NEB: variants seen among roughly 807,000 people sequenced by gnomAD.
NEB encodes nemaline myopathy type 2.
Under a neutral mutation model 952.2 loss-of-function variants are expected in NEB, and 512 were observed. That is an observed-to-expected ratio of 0.54 (90% CI 0.50 to 0.58). The LOEUF (loss-of-function observed/expected upper bound fraction) is 0.58, where lower values mean the gene tolerates loss of function less well. NEB is among the 20% of genes least tolerant of loss of function. NEB has a pLI of 0.00. For synonymous variants in NEB, 2,900 were observed against 3,149.8 expected (o/e 0.92, Z 2.66); for missense variants, 8,428 against 9,231.1 (o/e 0.91, Z 3.56).
chr2:151,664,970 A>G (rs145298277), intron 42 of NEB, 107 bp from the exon 43 acceptor site: 14 of 793,784 alleles, frequency 1.8e-5, no homozygotes, highest in African/African-American at 1.6e-4. Context: ...TTAAATGGAT[A>G]TTAGAAAATG....
chr2:151,524,507 AC>A lies in NEB; in HGVS notation c.22374+7del. 1 of 1,613,486 alleles carries A rather than the reference AC, an allele frequency of 6.2e-7. No homozygotes were observed. The highest frequency in any genetic ancestry group is 1.3e-5 in the African/African-American group (1 of 74,936). ...TGGGGACTGGGGACATTTTCATGAC[AC>A]CCTTACCTCACTGGCCTGTTTGGCT... On this transcript the variant is annotated splice_region_variant and intron_variant, in intron 152 of 181. Coordinates refer to ENST00000397345, the MANE Select transcript of NEB (RefSeq NM_001164508.2).
intron 27 of NEB, among the ~76,000 whole-genome samples, chr2:151,686,846 T>C (rs575287494): frequency 2.8e-4 from 42 of 152,296 alleles, no homozygotes; most frequent in African/African-American, 1.0e-3. Flanking sequence ...GGCCCATAGA[T>C]GAGCCTTAAG....
chr2:151,495,719 C>G (rs2059732006), intron 173 of NEB, among the ~76,000 whole-genome samples: 1 of 137,422 alleles, frequency 7.3e-6, no homozygotes, highest in African/African-American at 2.7e-5. Flanking sequence ...AAAAGCCATT[C>G]TGGTGACACT....
At chr2:151,682,823 A>G in intron 28 of NEB, 54 bp from the exon 29 acceptor site, 1 of 1,450,756 alleles carries the variant, frequency 6.9e-7, no homozygotes. Context: ...CTCATTATGT[A>G]AAATCATCAA....
chr2:151,525,872 A>T, intron 150 of NEB, 86 bp downstream of exon 150: 2 of 1,019,520 alleles, frequency 2.0e-6, no homozygotes, highest in Admixed American at 1.7e-5. Flanking sequence ...TACATAAAGG[A>T]AGCAAAAGGC....
chr2:151,491,014 G>C (rs2056097844), intron 179 of NEB, among the ~76,000 whole-genome samples: 1 of 150,892 alleles, frequency 6.6e-6, no homozygotes, highest in Non-Finnish European at 1.5e-5. Context: ...TAAATCCTTT[G>C]AGGACTGTCT....
At chr2:151,561,361 C>T in intron 121 of NEB, 49 bp from the exon 122 acceptor site, 2 of 1,332,124 alleles carry the variant, frequency 1.5e-6, no homozygotes, top group Non-Finnish European at 2.1e-6. Flanking sequence ...ACAGGTCTGT[C>T]ATCAGCTGTA....
At chr2:151,489,617 A>C (rs2054420030) in intron 181 of NEB, among the ~76,000 whole-genome samples, 1 of 152,104 alleles carries the variant, frequency 6.6e-6, no homozygotes, top group South Asian at 2.1e-4. Flanking sequence ...GGCTGGTCTC[A>C]AACTCCTGAG....
chr2:151,621,714 C>G (rs1007191401), intron 71 of NEB, among the ~76,000 whole-genome samples: 1 of 152,164 alleles, frequency 6.6e-6, no homozygotes. Flanking sequence ...TTGAGAACCA[C>G]GCATTAAACA....
chr2:151,697,619 T>A lies in NEB; in HGVS notation c.1182A>T (p.Thr394=), dbSNP rs186233985. 1.9e-6 allele frequency: 3 copies of A among 1,610,906 alleles called. No homozygotes were observed. The highest frequency in any genetic ancestry group is 2.5e-6 in the Non-Finnish European group (3 of 1,179,292). Residue 394 remains threonine, a synonymous_variant, in exon 14 of 182, where the codon ACA becomes ACT. Transcript: ENST00000397345. ...CGCAGTAATTTATGCTCTTTGCTTT[T>A]GTCTTTTCATAGTTTTCCTTGTATA... ...DKLYKENYEK[T]KAKSINYCET...
chr2:151,686,075 C>A (rs565012000), intron 27 of NEB, among the ~76,000 whole-genome samples: 1 of 152,232 alleles, frequency 6.6e-6, no homozygotes, highest in South Asian at 2.1e-4. Flanking sequence ...ACATTGAAAA[C>A]AACAGTTTGT....
At chr2:151,492,635 T>C (rs2057485964) in intron 176 of NEB, 141 bp from the exon 177 acceptor site, 1 of 493,916 alleles carries the variant, frequency 2.0e-6, no homozygotes, top group African/African-American at 2.0e-5. Flanking sequence ...ATGACCAATT[T>C]TGGAACAGGC....
intron 10 of NEB, among the ~76,000 whole-genome samples, chr2:151,716,871 G>A (rs1217294334): frequency 1.3e-5 from 2 of 152,206 alleles, no homozygotes; most frequent in Non-Finnish European, 2.9e-5. Flanking sequence ...CTAAGCATCT[G>A]TCTCTCTGCA....
At chr2:151,707,054 T>G (rs1486485839) in intron 12 of NEB, 57 bp from the exon 13 acceptor site, 6 of 1,117,910 alleles carry the variant, frequency 5.4e-6, no homozygotes, top group Non-Finnish European at 7.8e-6. Flanking sequence ...TGCCCCCGTC[T>G]CTATTATGAA....
chr2:151,672,756 GAC>G, intron 36 of NEB, 76 bp from the exon 37 acceptor site: 1 of 1,305,462 alleles, frequency 7.7e-7, no homozygotes. Context: ...CACATATAAA[GAC>G]ACTCAGAGCT....
At chr2:151,713,489 C>T (rs2099750829) in intron 10 of NEB, among the ~76,000 whole-genome samples, 1 of 152,082 alleles carries the variant, frequency 6.6e-6, no homozygotes, top group Admixed American at 6.5e-5. Flanking sequence ...AGGGCCTGGG[C>T]CTGGTATCCT....
At chr2:151,524,190 C>G (rs879571847) in intron 153 of NEB, 121 bp downstream of exon 153, 1 of 794,436 alleles carries the variant, frequency 1.3e-6, no homozygotes, top group Non-Finnish European at 2.0e-6. Flanking sequence ...CTCTTGGAAG[C>G]TTTGCAGTAC....
At position 151,502,826 on chromosome 2, in the gene NEB, C is replaced by T. The variant is rs1229640938; in HGVS notation, c.23895G>A (p.Glu7965=). The part of the protein sequence containing the change: ...GIPTPITPEM[E]RVKRNQENFS... ...AGTTCTCTTGATTGCGTTTGACTCT[C>T]TCCATCTCTGGAGTGATAGGTGTTG... is the stretch of plus-strand genomic sequence containing the variant. The change falls in exon 167 of 182, where the codon GAG becomes GAA. Residue 7965 remains glutamate, a synonymous_variant. Transcript: ENST00000397345. 1.9e-6 allele frequency: 3 copies of T among 1,608,080 alleles called. No individual in the cohort carries two copies. Among genetic ancestry groups the T allele is most frequent in the South Asian group, 1.1e-5 (1 of 89,508 alleles).
At chr2:151,663,156 C>G (rs1023404205) in intron 45 of NEB, among the ~76,000 whole-genome samples, 2 of 152,124 alleles carry the variant, frequency 1.3e-5, no homozygotes, top group Admixed American at 6.5e-5. Flanking sequence ...TAGAATGAAA[C>G]CCGGTTGGGA....
Sources: gnomAD v4.1 joint callset for allele counts (sites outside exome capture counted in the v4.1 genomes callset) on GRCh38, gnomAD v4.1.1 for gene constraint, MANE v1.5 for transcripts, NCBI Gene and HGNC (gene_info 2026-07-23, HGNC 2026-07-21) for gene names.